Variants in ZNF407 observed in about 807,000 individuals in gnomAD.
The protein encoded by ZNF407 is zinc finger protein 407.
ZNF407 carries 17 observed loss-of-function variants against 131.2 expected under a neutral mutation model. The observed-to-expected ratio is 0.13, with a 90% CI of 0.09 to 0.19. ZNF407 has a LOEUF of 0.19. ZNF407 is among the 10% of genes least tolerant of loss of function. ZNF407 has a pLI of 1.00. For missense variants in ZNF407, 2,681 were observed against 2,830.6 expected (o/e 0.95, Z 1.20); for synonymous variants, 1,156 against 1,062.0 (o/e 1.09, Z -1.72).
intron 3 of ZNF407, among the ~76,000 whole-genome samples, chr18:74,652,704 T>C (rs1293258124): frequency 6.6e-6 from 1 of 151,858 alleles, no homozygotes; most frequent in Non-Finnish European, 1.5e-5. Flanking sequence ...CCGAGGTGCT[T>C]CCTCCCTTGG....
chr18:75,015,111 A>G (rs781317901), intron 8 of ZNF407, among the ~76,000 whole-genome samples: 2 of 152,102 alleles, frequency 1.3e-5, no homozygotes, highest in Non-Finnish European at 2.9e-5. Flanking sequence ...TGTCATGCAG[A>G]ATAGTGTGAA....
At chr18:74,819,337 T>C (rs1201453819) in intron 4 of ZNF407, among the ~76,000 whole-genome samples, 1 of 152,162 alleles carries the variant, frequency 6.6e-6, no homozygotes, top group African/African-American at 2.4e-5. Context: ...AAAGGAAGTT[T>C]GTTTTGGTTT....
rs190426251 is a variant in ZNF407 at position 75,018,101 on chromosome 18, C to T, written c.5429-45049C>T. On this transcript the variant is annotated intron_variant, in intron 8 of 8. Transcript: ENST00000299687. ...TTGCACAATAGAATTATGTGAACAA[C>T]GGAATTAATAGATTAATAGTTAATT... is the stretch of plus-strand genomic sequence containing the variant. 4.5e-3 allele frequency among the ~76,000 whole-genome samples: 677 copies of T among 152,066 alleles called. 9 individuals carry two copies. The highest frequency in any genetic ancestry group is 0.014 in the African/African-American group (573 of 41,476).
chr18:75,006,871 GA>G (rs1460230972), intron 8 of ZNF407, among the ~76,000 whole-genome samples: 21 of 151,394 alleles, frequency 1.4e-4, no homozygotes, highest in Admixed American at 4.0e-4. Flanking sequence ...TCTATTGTTA[GA>G]TACAACTATG....
At chr18:74,928,082 T>G (rs1312372709) in intron 8 of ZNF407, among the ~76,000 whole-genome samples, 1 of 152,212 alleles carries the variant, frequency 6.6e-6, no homozygotes, top group East Asian at 1.9e-4. Context: ...CAGGAGGTTC[T>G]GAGAACATGT....
At chr18:74,626,912 G>C (rs1176407789) in intron 1 of ZNF407, among the ~76,000 whole-genome samples, 2 of 152,154 alleles carry the variant, frequency 1.3e-5, no homozygotes, top group African/African-American at 2.4e-5. Flanking sequence ...AGGATGGCAG[G>C]GCTGTATCCT....
intron 7 of ZNF407, among the ~76,000 whole-genome samples, chr18:74,905,026 A>G (rs1385060555): frequency 6.6e-6 from 1 of 152,184 alleles, no homozygotes; most frequent in Non-Finnish European, 1.5e-5. Context: ...CTAAATGTTC[A>G]CGTTTTCTTT....
intron 8 of ZNF407, among the ~76,000 whole-genome samples, chr18:74,975,886 T>C (rs1599273446): frequency 6.6e-6 from 1 of 152,238 alleles, no homozygotes; most frequent in East Asian, 1.9e-4. Flanking sequence ...TATGTTGTTA[T>C]ATTTAATGTT....
At chr18:74,998,583 A>G (rs1241984971) in intron 8 of ZNF407, among the ~76,000 whole-genome samples, 1 of 151,840 alleles carries the variant, frequency 6.6e-6, no homozygotes, top group African/African-American at 2.4e-5. Flanking sequence ...TGCAGCCAAA[A>G]AACACATGAA....
intron 3 of ZNF407, among the ~76,000 whole-genome samples, chr18:74,679,311 G>T (rs2144773072): frequency 6.6e-6 from 1 of 152,304 alleles, no homozygotes; most frequent in Non-Finnish European, 1.5e-5. Flanking sequence ...CCTACTCAGT[G>T]TTTATATTGT....
At chr18:74,694,515 G>A (rs1326775875) in intron 3 of ZNF407, among the ~76,000 whole-genome samples, 4 of 150,990 alleles carry the variant, frequency 2.6e-5, no homozygotes, top group African/African-American at 9.7e-5. Context: ...GATTCATAGA[G>A]TCTCCTATTG....
chr18:74,607,693 C>T (rs1982870237), intron 1 of ZNF407, among the ~76,000 whole-genome samples: 1 of 151,756 alleles, frequency 6.6e-6, no homozygotes, highest in Non-Finnish European at 1.5e-5. Context: ...TTTTGTGACT[C>T]TGTACTTTTC....
At chr18:74,987,440 G>A (rs971809926) in intron 8 of ZNF407, among the ~76,000 whole-genome samples, 2 of 152,170 alleles carry the variant, frequency 1.3e-5, no homozygotes, top group African/African-American at 4.8e-5. Flanking sequence ...TGGTGTCCGT[G>A]TTCATCTCCT....
At chr18:74,661,460 T>C (rs1201260234) in intron 3 of ZNF407, among the ~76,000 whole-genome samples, 2 of 150,424 alleles carry the variant, frequency 1.3e-5, no homozygotes, top group Middle Eastern at 3.5e-3. Flanking sequence ...ATACAAATCA[T>C]TAAAAAATTC....
rs377200520 is a variant in ZNF407, at chr18:75,064,418, G to A, written c.6697G>A (p.Ala2233Thr). ...VIYTQEGSSAAAAIQSQRESS... is the reference protein window; with the variant it reads ...VIYTQEGSSATAAIQSQRESS... ...CTACACCCAGGAGGGCTCCTCGGCC[G>A]CGGCGGCAATTCAGAGCCAAAGAGA... Residue 2233 changes from alanine (A) to threonine (T), a missense_variant, in exon 9 of 9, where the codon GCG becomes ACG. Ala to Thr is a moderately conservative substitution (Grantham distance 58, BLOSUM62 0). Around this residue, in one of 6 missense-constraint regions of ZNF407, gnomAD observed 620 missense variants for 583.1 expected, o/e 1.06. Coordinates refer to ENST00000299687, the MANE Select transcript of ZNF407 (RefSeq NM_017757.3). 4.8e-5 allele frequency: 73 copies of A among 1,524,824 alleles called. 2 individuals are homozygous for A. The highest frequency in any genetic ancestry group is 4.6e-4 in the African/African-American group (33 of 72,118). 94.5% of individuals were successfully genotyped at this position (1,524,824 alleles called of 1,614,324 possible).
At chr18:74,752,164 A>G (rs1968820735) in intron 3 of ZNF407, among the ~76,000 whole-genome samples, 1 of 152,080 alleles carries the variant, frequency 6.6e-6, no homozygotes, top group African/African-American at 2.4e-5. Flanking sequence ...GGCTGCATAA[A>G]TGTCTTTTTT....
chr18:74,809,390 G>A (rs1200985072), intron 4 of ZNF407, among the ~76,000 whole-genome samples: 1 of 152,182 alleles, frequency 6.6e-6, no homozygotes, highest in Non-Finnish European at 1.5e-5. Context: ...CTAATGTCAT[G>A]CTTTCTCTTT....
chr18:74,812,741 C>T (rs551734400), intron 4 of ZNF407, among the ~76,000 whole-genome samples: 12 of 152,096 alleles, frequency 7.9e-5, no homozygotes, highest in African/African-American at 2.2e-4. Flanking sequence ...GTGGATCCCA[C>T]GTGTCTCTCA....
In ZNF407 at chr18:75,065,366, T is replaced by C. The variant is rs1360408176; in HGVS notation, c.*898T>C. ...AGGATTTCTTCGTGATTTCTGTCCA[T>C]ATGAAAATGCTGACATTAAACATTA... On this transcript the variant is annotated 3_prime_UTR_variant, in exon 9 of 9. Coordinates refer to ENST00000299687, the MANE Select transcript of ZNF407 (RefSeq NM_017757.3). The C allele has an allele frequency of 6.6e-6, 1 of 152,226 alleles. No homozygotes were observed. The highest frequency in any genetic ancestry group is 2.4e-5 in the African/African-American group (1 of 41,458). 9.4% of individuals were successfully genotyped at this position (152,226 alleles called of 1,614,324 possible).
Sources: gnomAD v4.1 joint callset for allele counts (sites outside exome capture counted in the v4.1 genomes callset) on GRCh38, gnomAD v4.1.1 for gene constraint, gnomAD v4.1.1 regional missense constraint, MANE v1.5 for transcripts, NCBI Gene and HGNC (gene_info 2026-07-23, HGNC 2026-07-21) for gene names.